Variants in KLF17 observed in about 807,000 individuals in gnomAD.
KLF17 encodes the protein KLF transcription factor 17.
A neutral mutation model predicts 34.2 loss-of-function variants in KLF17; 31 were observed. The ratio of observed to expected loss-of-function variants is 0.91; its 90% CI spans 0.68 to 1.22. The LOEUF (loss-of-function observed/expected upper bound fraction) is 1.22. Among genes scored for constraint, KLF17 ranks in the 50% most tolerant of loss-of-function variants. The pLI is 0.00. For synonymous variants in KLF17, 179 were observed against 186.7 expected (o/e 0.96, Z 0.34); for missense variants, 478 against 505.2 (o/e 0.95, Z 0.52).
the KLF17 span, among the ~76,000 whole-genome samples, chr1:44,048,719 T>C: frequency 6.6e-6 from 1 of 152,274 alleles, no homozygotes; most frequent in Non-Finnish European, 1.5e-5. Context: ...ATTTTCTGTG[T>C]GTTTGACTGG....
chr1:44,073,472 C>CTGGGA, the KLF17 span, among the ~76,000 whole-genome samples: 24 of 152,040 alleles, frequency 1.6e-4, no homozygotes, highest in Non-Finnish European at 1.6e-4. Context: ...TCCCAAAGTG[C>CTGGGA]TGGGACTACA....
Position 44,130,757 on chromosome 1 carries a change from G to C in KLF17, c.*1G>C. On this transcript the variant is annotated splice_donor_variant, in intron 3 of 3. Coordinates refer to ENST00000372299, the MANE Select transcript of KLF17 (RefSeq NM_173484.4). LOFTEE classifies it low-confidence loss of function (3UTR_SPLICE). ...CAGTCCTCCTGCTGCTGGTCCTTAGGTCAGTCTCCTCTCCTCATTCTGGGT... is the reference window on the plus strand; with the variant it reads ...CAGTCCTCCTGCTGCTGGTCCTTAGCTCAGTCTCCTCTCCTCATTCTGGGT... 2 of 1,613,842 alleles carry C rather than the reference G, an allele frequency of 1.2e-6. No individual in the cohort carries two copies. Among genetic ancestry groups the C allele is most frequent in the East Asian group, 2.2e-5 (1 of 44,858 alleles).
chr1:44,080,889 A>AT, the KLF17 span, among the ~76,000 whole-genome samples: 2 of 151,166 alleles, frequency 1.3e-5, no homozygotes, highest in African/African-American at 4.9e-5. Flanking sequence ...TAATTTTTGT[A>AT]TTTTTTGTAG....
At chr1:44,059,937 G>A in the KLF17 span, among the ~76,000 whole-genome samples, 92 of 152,118 alleles carry the variant, frequency 6.0e-4, no homozygotes, top group African/African-American at 2.1e-3. Flanking sequence ...TGGGAGCACT[G>A]TTCCTTCTGG....
At chr1:44,102,564 A>G in the KLF17 span, among the ~76,000 whole-genome samples, 1 of 49,106 alleles carries the variant, frequency 2.0e-5, no homozygotes, top group Non-Finnish European at 4.6e-5. Context: ...ACACATACAC[A>G]TACACACACA....
intron 1 of KLF17, chr1:44,122,589 A>G: frequency 1.4e-6 from 1 of 723,384 alleles, no homozygotes; most frequent in Non-Finnish European, 2.5e-6. Flanking sequence ...TGCAGTATGA[A>G]TGGCCGTTTT....
At chr1:44,093,841 G>A in the KLF17 span, among the ~76,000 whole-genome samples, 2 of 152,202 alleles carry the variant, frequency 1.3e-5, no homozygotes, top group Non-Finnish European at 2.9e-5. Context: ...TTCTCTCTGC[G>A]TCTGTTGTAG....
chr1:44,131,087 A>G (rs376927483), intron 3 of KLF17, among the ~76,000 whole-genome samples: 9 of 152,134 alleles, frequency 5.9e-5, no homozygotes, highest in African/African-American at 2.2e-4. Context: ...GAGCCACCGC[A>G]GCCGGCCTCA....
chr1:44,095,535 C>T, the KLF17 span, among the ~76,000 whole-genome samples: 1 of 151,974 alleles, frequency 6.6e-6, no homozygotes. Context: ...TTTTTTTAAT[C>T]CCTCAAATAT....
intron 1 of KLF17, chr1:44,122,047 A>C (rs1185024056): frequency 1.3e-6 from 1 of 744,936 alleles, no homozygotes; most frequent in African/African-American, 1.8e-5. Context: ...TCCTTTTTTC[A>C]TTTTTTTGTC....
chr1:44,117,452 T>TTTATTTTATTTTA (rs1017318756), upstream of KLF17: 1 of 146,202 alleles, frequency 6.8e-6, no homozygotes, highest in Non-Finnish European at 1.5e-5. Flanking sequence ...TTTATTTTAT[T>TTTATTTTATTTTA]TTATTTTATT....
At chr1:44,102,128 T>TATTA in the KLF17 span, among the ~76,000 whole-genome samples, 1 of 152,156 alleles carries the variant, frequency 6.6e-6, no homozygotes, top group South Asian at 2.1e-4. Flanking sequence ...ATATGGTAGA[T>TATTA]ATTAATCCAA....
At chr1:44,079,985 G>A in the KLF17 span, among the ~76,000 whole-genome samples, 1 of 149,660 alleles carries the variant, frequency 6.7e-6, no homozygotes, top group Non-Finnish European at 1.5e-5. Flanking sequence ...CTGGAGTGCA[G>A]TGGCGTGATC....
chr1:44,049,107 C>A, the KLF17 span, among the ~76,000 whole-genome samples: 1 of 152,198 alleles, frequency 6.6e-6, no homozygotes, highest in Non-Finnish European at 1.5e-5. Flanking sequence ...TGAGGGCTCT[C>A]TTCCTGGCTT....
the KLF17 span, among the ~76,000 whole-genome samples, chr1:44,110,153 T>C: frequency 5.3e-5 from 8 of 152,158 alleles, no homozygotes; most frequent in African/African-American, 1.7e-4. Context: ...GTGATCTACC[T>C]GCCTCAGCCT....
the KLF17 span, chr1:44,074,800 T>C: frequency 6.6e-6 from 1 of 152,154 alleles, no homozygotes; most frequent in African/African-American, 2.4e-5. Context: ...CAATCTGACT[T>C]CTCAGAAGGC....
intron 3 of KLF17, among the ~76,000 whole-genome samples, chr1:44,131,857 G>A (rs1239620071): frequency 2.0e-5 from 3 of 152,122 alleles, no homozygotes; most frequent in African/African-American, 7.2e-5. Context: ...ACCACACCCA[G>A]CTAATTTTTG....
intron 1 of KLF17, among the ~76,000 whole-genome samples, chr1:44,120,233 C>T (rs78624229): frequency 0.018 from 2,755 of 152,244 alleles, 51 homozygotes; most frequent in African/African-American, 0.048. Flanking sequence ...GTGGGCCATC[C>T]GAAAGGACTC....
chr1:44,099,881 GAAAGAAAGAAAGAAAGAA>G, the KLF17 span, among the ~76,000 whole-genome samples: 1 of 57,038 alleles, frequency 1.8e-5, no homozygotes, highest in African/African-American at 5.3e-5. Flanking sequence ...AAGAAAGAAA[GAAAGAAAGAAAGAAAGAA>G]AGAAAGAAAG....
Sources: gnomAD v4.1 joint callset for allele counts (sites outside exome capture counted in the v4.1 genomes callset) on GRCh38, gnomAD v4.1.1 for gene constraint, MANE v1.5 for transcripts, NCBI Gene and HGNC (gene_info 2026-07-23, HGNC 2026-07-21) for gene names.